The following MAPKAPK3 variants were observed in gnomAD, a reference collection of about 807,000 sequenced individuals.
MAPKAPK3 encodes MAPK activated protein kinase 3.
A neutral mutation model predicts 49.2 loss-of-function variants in MAPKAPK3; 35 were observed. That is an observed-to-expected ratio of 0.71 (90% confidence interval 0.54 to 0.94). The LOEUF (loss-of-function observed/expected upper bound fraction) is 0.94, where lower values mean the gene tolerates loss of function less well. MAPKAPK3 is among the 40% of genes least tolerant of loss of function. The pLI is 0.00. For missense variants in MAPKAPK3, 398 were observed against 493.1 expected (o/e 0.81, Z 1.83); for synonymous variants, 178 against 188.7 (o/e 0.94, Z 0.46).
chr3:50,644,657 T>C, intron 6 of MAPKAPK3, 125 bp downstream of exon 6: 7 of 1,036,368 alleles, frequency 6.8e-6, no homozygotes, highest in Non-Finnish European at 9.8e-6. Flanking sequence ...GAGAATTCTG[T>C]CTGCATGGAG....
intron 2 of MAPKAPK3, among the ~76,000 whole-genome samples, chr3:50,637,693 AAGAGAGAG>A (rs34205773): frequency 4.2e-4 from 61 of 144,980 alleles, no homozygotes; most frequent in Middle Eastern, 3.5e-3. Context: ...CAGAGAGAGA[AAGAGAGAG>A]AGAGAGAGAG....
At chr3:50,611,810 G>GGGGGCGGGCCAGACGAGC (rs2032337602), upstream of MAPKAPK3, 2 of 972,578 alleles carry the variant, frequency 2.1e-6, no homozygotes, top group African/African-American at 3.5e-5. Flanking sequence ...CGAGGGCGAG[G>GGGGGCGGGCCAGACGAGC]GGGGCGGGCC....
intron 4 of MAPKAPK3, 151 bp from the exon 5 acceptor site, chr3:50,642,102 A>G (rs1186429783): frequency 6.2e-6 from 4 of 650,208 alleles, no homozygotes; most frequent in Non-Finnish European, 1.1e-5. Flanking sequence ...GGTGGCGTAG[A>G]CATCCCGGGA....
At chr3:50,611,890 G>T, upstream of MAPKAPK3, 1 of 537,254 alleles carries the variant, frequency 1.9e-6, no homozygotes, top group Non-Finnish European at 3.0e-6. Flanking sequence ...CCCGGAAGCA[G>T]CGTCTTCCTA....
intron 6 of MAPKAPK3, 33 bp downstream of exon 6, chr3:50,644,565 A>G: frequency 1.2e-6 from 2 of 1,611,812 alleles, no homozygotes; most frequent in Non-Finnish European, 1.7e-6. Flanking sequence ...GTAACTCCTC[A>G]CCCCAACTTA....
At chr3:50,620,712 T>C (rs2107573767) in intron 2 of MAPKAPK3, among the ~76,000 whole-genome samples, 1 of 152,262 alleles carries the variant, frequency 6.6e-6, no homozygotes, top group South Asian at 2.1e-4. Context: ...ACTCAGTGGC[T>C]CCCTCCCAAG....
chr3:50,629,630 G>A (rs2107583493), intron 2 of MAPKAPK3, among the ~76,000 whole-genome samples: 1 of 152,322 alleles, frequency 6.6e-6, no homozygotes, highest in Middle Eastern at 3.4e-3. Context: ...CCCTGTGGCT[G>A]CAGCTAGTCC....
chr3:50,640,355 C>T lies in MAPKAPK3; in HGVS notation c.220-11C>T, dbSNP rs751453467. ...CTGAGCCTGACACTTTCTATGTGCACCCACCTACAGCTCCTGTATGACAGC... is the reference window on the plus strand; with the variant it reads ...CTGAGCCTGACACTTTCTATGTGCATCCACCTACAGCTCCTGTATGACAGC... On this transcript the variant is annotated splice_polypyrimidine_tract_variant and intron_variant, in intron 2 of 10. Transcript: ENST00000621469. The T allele has an allele frequency of 1.2e-6, 2 of 1,610,532 alleles. No homozygotes were observed. Among genetic ancestry groups the T allele is most frequent in the South Asian group, 1.1e-5 (1 of 90,828 alleles).
At chr3:50,614,871 C>T (rs746893794), upstream of MAPKAPK3, among the ~76,000 whole-genome samples, 2 of 152,118 alleles carry the variant, frequency 1.3e-5, no homozygotes, top group Non-Finnish European at 2.9e-5. Flanking sequence ...AGAAGCAGCA[C>T]CTTTGCCTTA....
intron 4 of MAPKAPK3, 29 bp downstream of exon 4, chr3:50,641,800 G>A: frequency 6.2e-7 from 1 of 1,602,858 alleles, no homozygotes; most frequent in Non-Finnish European, 8.5e-7. Flanking sequence ...ACCAGCAGGA[G>A]GATTCAGGGT....
intron 2 of MAPKAPK3, among the ~76,000 whole-genome samples, chr3:50,634,900 C>A (rs1222801668): frequency 1.3e-5 from 2 of 152,146 alleles, no homozygotes; most frequent in African/African-American, 2.4e-5. Flanking sequence ...CCATGGGGAC[C>A]CAGAGGCTGC....
chr3:50,611,672 C>T (rs1241130555), upstream of MAPKAPK3: 1 of 1,482,144 alleles, frequency 6.7e-7, no homozygotes, highest in Admixed American at 2.5e-5. Flanking sequence ...AGCGGCGACT[C>T]CGGAGTGGGG....
chr3:50,619,697 A>G (rs924805248), intron 2 of MAPKAPK3, among the ~76,000 whole-genome samples: 4 of 152,118 alleles, frequency 2.6e-5, no homozygotes, highest in African/African-American at 9.7e-5. Flanking sequence ...TGGTGTCCAG[A>G]TGCTGTGGGT....
chr3:50,631,176 C>G (rs2032901848), intron 2 of MAPKAPK3, among the ~76,000 whole-genome samples: 1 of 152,196 alleles, frequency 6.6e-6, no homozygotes, highest in African/African-American at 2.4e-5. Flanking sequence ...TCCATTACCT[C>G]CTTTAATGAG....
At chr3:50,611,849 C>T (rs1384048682), upstream of MAPKAPK3, 3 of 637,158 alleles carry the variant, frequency 4.7e-6, no homozygotes, top group Admixed American at 4.3e-5. Context: ...GAGCTGCTGC[C>T]TAATCCTTTG....
intron 2 of MAPKAPK3, among the ~76,000 whole-genome samples, chr3:50,634,024 C>T (rs911489894): frequency 2.6e-5 from 4 of 152,186 alleles, no homozygotes; most frequent in Non-Finnish European, 4.4e-5. Context: ...TGCTGGGGCT[C>T]ACTAGCTGGT....
At chr3:50,618,352 C>T (rs1282935774) in intron 2 of MAPKAPK3, among the ~76,000 whole-genome samples, 1 of 152,178 alleles carries the variant, frequency 6.6e-6, no homozygotes, top group African/African-American at 2.4e-5. Flanking sequence ...TCGCTGGTCC[C>T]GTGTTGAAAG....
rs201741769 is a variant in MAPKAPK3, at chr3:50,646,734, C to G, written c.830-6C>G. The G allele has an allele frequency of 6.2e-7, 1 of 1,613,826 alleles. No homozygotes were observed. The highest frequency in any genetic ancestry group is 2.2e-5 in the East Asian group (1 of 44,856). ...ATCTCTCCCCTCTCTTCCCTGGCCC[C>G]CCTAGCCAAGCAGCTGATCCGCCTC... On this transcript the variant is annotated splice_polypyrimidine_tract_variant and splice_region_variant and intron_variant, in intron 8 of 10. Coordinates refer to ENST00000621469, the MANE Select transcript of MAPKAPK3 (RefSeq NM_001243925.2).
At chr3:50,628,236 A>G (rs1362502229) in intron 2 of MAPKAPK3, among the ~76,000 whole-genome samples, 2 of 152,174 alleles carry the variant, frequency 1.3e-5, no homozygotes, top group African/African-American at 4.8e-5. Flanking sequence ...GGGGTCACCT[A>G]GGCGTGACCT....
Sources: allele counts gnomAD v4.1 joint callset (sites outside exome capture counted in the v4.1 genomes callset), GRCh38; gene constraint gnomAD v4.1.1; transcripts MANE v1.5; gene names NCBI Gene and HGNC (gene_info 2026-07-23, HGNC 2026-07-21).